Variants in SERPING1 observed in about 807,000 individuals in gnomAD.
SERPING1 encodes plasma protease C1 inhibitor.
SERPING1 carries 5 observed loss-of-function variants against 34.1 expected under a neutral mutation model. That is an observed-to-expected ratio of 0.15 (90% confidence interval 0.08 to 0.31). The LOEUF is 0.31. SERPING1 is among the 10% of genes least tolerant of loss of function. SERPING1 has a pLI of 1.00. For missense variants in SERPING1, 505 were observed against 609.5 expected (o/e 0.83, Z 1.81); for synonymous variants, 225 against 242.4 (o/e 0.93, Z 0.67).
chr11:57,607,375 C>T (rs185029822), intron 6 of SERPING1, among the ~76,000 whole-genome samples: 2 of 152,318 alleles, frequency 1.3e-5, no homozygotes, highest in Non-Finnish European at 2.9e-5. Flanking sequence ...AAAGCAGCCT[C>T]CTCCTCACCC....
In SERPING1 at chr11:57,606,150, C is replaced by T. The variant is rs768520560; in HGVS notation, c.826C>T (p.Arg276Trp). Reference protein sequence around the residue: ...VAKNTNNKISRLLDSLPSDTR... With the variant: ...VAKNTNNKISWLLDSLPSDTR... The stretch of plus-strand genomic sequence containing the variant: ...CAAGAACACCAACAACAAGATCAGC[C>T]GGCTGCTAGACAGTCTGCCCTCCGA... The change falls in exon 5 of 8, where the codon CGG becomes TGG. Residue 276 changes from arginine to tryptophan, a missense_variant. Arg to Trp is a moderately radical substitution (Grantham distance 101). Transcript: ENST00000278407. The T allele has an allele frequency of 1.6e-5, 26 of 1,614,034 alleles. No individual in the cohort carries two copies. The highest frequency in any genetic ancestry group is 8.3e-5 in the Admixed American group (5 of 59,996).
chr11:57,603,461 C>T (rs1354672098), intron 4 of SERPING1, among the ~76,000 whole-genome samples: 5 of 150,368 alleles, frequency 3.3e-5, no homozygotes, highest in Non-Finnish European at 7.4e-5. Flanking sequence ...GCAGGAGAAT[C>T]GCTTGAACCT....
At chr11:57,613,991 A>T (rs1206304912) in intron 7 of SERPING1, among the ~76,000 whole-genome samples, 3 of 152,116 alleles carry the variant, frequency 2.0e-5, no homozygotes, top group Non-Finnish European at 4.4e-5. Flanking sequence ...GCATCATGGC[A>T]TTGCATATAA....
intron 4 of SERPING1, among the ~76,000 whole-genome samples, chr11:57,605,403 A>T (rs1310942638): frequency 6.6e-6 from 1 of 151,546 alleles, no homozygotes; most frequent in East Asian, 1.9e-4. Flanking sequence ...GATTCAAGTG[A>T]TTCTCCTGCC....
At chr11:57,597,756 G>C (rs2135305111) in intron 1 of SERPING1, 34 bp downstream of exon 1, 1 of 153,194 alleles carries the variant, frequency 6.5e-6, no homozygotes, top group South Asian at 2.1e-4. Context: ...TGGGGAGTAG[G>C]GTGGAAAGCA....
At chr11:57,598,010 T>A in intron 1 of SERPING1, 1 of 538,234 alleles carries the variant, frequency 1.9e-6, no homozygotes, top group South Asian at 2.7e-5. Context: ...ACTGAACAGA[T>A]GGACAGAGAC....
chr11:57,611,172 C>T (rs1945472589), intron 6 of SERPING1: 1 of 162,430 alleles, frequency 6.2e-6, no homozygotes, highest in African/African-American at 2.4e-5. Flanking sequence ...ACCTCGTGAT[C>T]CGCCCACCTC....
chr11:57,609,245 TCCAA>T (rs776484901), intron 6 of SERPING1, among the ~76,000 whole-genome samples: 49 of 152,040 alleles, frequency 3.2e-4, no homozygotes, highest in South Asian at 6.2e-4. Flanking sequence ...GCCACTGCAC[TCCAA>T]CCTGGGCAAC....
At chr11:57,606,736 T>A (rs1011969335) in intron 6 of SERPING1, 189 bp downstream of exon 6, 1 of 746,962 alleles carries the variant, frequency 1.3e-6, no homozygotes, top group African/African-American at 1.7e-5. Flanking sequence ...ACATTGTATA[T>A]TTTAGGCTGG....
intron 4 of SERPING1, among the ~76,000 whole-genome samples, chr11:57,604,650 TA>T (rs994717753): frequency 4.7e-5 from 7 of 148,868 alleles, no homozygotes; most frequent in East Asian, 1.9e-4. Flanking sequence ...CCTCCCTTTT[TA>T]AAAAAAAAAG....
intron 6 of SERPING1, among the ~76,000 whole-genome samples, chr11:57,607,904 C>T (rs890447226): frequency 2.6e-5 from 4 of 152,248 alleles, no homozygotes; most frequent in Admixed American, 6.5e-5. Flanking sequence ...AAGTGATCCA[C>T]ACCCTCAGCC....
chr11:57,613,785 G>T (rs1945506165), intron 7 of SERPING1, among the ~76,000 whole-genome samples: 2 of 152,076 alleles, frequency 1.3e-5, no homozygotes, highest in African/African-American at 2.4e-5. Context: ...ATCACACTTG[G>T]TCTTTCTGGT....
intron 4 of SERPING1, among the ~76,000 whole-genome samples, chr11:57,605,092 G>T (rs1327656497): frequency 6.6e-6 from 1 of 151,930 alleles, no homozygotes; most frequent in Non-Finnish European, 1.5e-5. Context: ...GAAAAACATG[G>T]CTCAGAGGTG....
intron 4 of SERPING1, among the ~76,000 whole-genome samples, chr11:57,603,148 G>A (rs745574995): frequency 2.0e-5 from 3 of 151,004 alleles, no homozygotes; most frequent in Non-Finnish European, 2.9e-5. Context: ...CAGGAGAATC[G>A]CTTGAACCCA....
rs1235206719 is a variant in SERPING1, at chr11:57,614,468, G to C, written c.1390G>C (p.Val464Leu). The change falls in exon 8 of 8, where the codon GTG becomes CTG. Residue 464 changes from valine (V) to leucine (L), a missense_variant. Physicochemically the swap from Val to Leu is conservative, Grantham distance 32. Transcript: ENST00000278407. ...VEAAAASAISVARTLLVFEVQ... is the reference protein window; with the variant it reads ...VEAAAASAISLARTLLVFEVQ... ...GGCGGCTGCAGCCTCCGCCATCTCT[G>C]TGGCCCGCACCCTGCTGGTCTTTGA... The C allele has an allele frequency of 1.2e-6, 2 of 1,613,996 alleles. No individual in the cohort carries two copies. The highest frequency in any genetic ancestry group is 2.2e-5 in the East Asian group (1 of 44,902).
chr11:57,614,252 A>G, intron 7 of SERPING1, 76 bp from the exon 8 acceptor site: 1 of 1,575,884 alleles, frequency 6.3e-7, no homozygotes, highest in South Asian at 1.1e-5. Flanking sequence ...AACCCAGAGA[A>G]TTCAGGACAA....
At chr11:57,605,454 C>A (rs1014238093) in intron 4 of SERPING1, 3 of 167,924 alleles carry the variant, frequency 1.8e-5, no homozygotes, top group Non-Finnish European at 3.9e-5. Flanking sequence ...TGGTCTTGAA[C>A]TCCTGGCCTC....
chr11:57,607,714 C>T (rs1467612704), intron 6 of SERPING1, among the ~76,000 whole-genome samples: 1 of 152,200 alleles, frequency 6.6e-6, no homozygotes, highest in Non-Finnish European at 1.5e-5. Context: ...AGCTGCAGTG[C>T]ATTGACATGA....
chr11:57,613,098 T>A (rs1021755458), intron 7 of SERPING1, among the ~76,000 whole-genome samples: 4 of 152,226 alleles, frequency 2.6e-5, no homozygotes, highest in Non-Finnish European at 5.9e-5. Context: ...CATTTCTTGT[T>A]AGAGAATTTG....
Sources: allele counts gnomAD v4.1 joint callset (sites outside exome capture counted in the v4.1 genomes callset), GRCh38; gene constraint gnomAD v4.1.1; transcripts MANE v1.5; gene names NCBI Gene and HGNC (gene_info 2026-07-23, HGNC 2026-07-21).